BANK1: variants seen among roughly 807,000 people sequenced by gnomAD.
BANK1 encodes B-cell scaffold protein with ankyrin repeats.
BANK1 carries 95 observed loss-of-function variants against 94.5 expected under a neutral mutation model. That is an observed-to-expected ratio of 1.00 (90% CI 0.85 to 1.19). The LOEUF is 1.19. Ranked by LOEUF, BANK1 falls within the 50% of genes most tolerant of loss-of-function variation. The pLI is 0.00. For missense variants in BANK1, 987 were observed against 932.2 expected (o/e 1.06, Z -0.77); for synonymous variants, 334 against 308.4 (o/e 1.08, Z -0.87).
intron 7 of BANK1, among the ~76,000 whole-genome samples, chr4:101,940,343 G>A (rs1723701635): frequency 6.6e-6 from 1 of 151,352 alleles, no homozygotes; most frequent in African/African-American, 2.4e-5. Flanking sequence ...TGTAAACATA[G>A]AACAGAGTTT....
rs115093723 is a variant in BANK1 at position 101,887,412 on chromosome 4, C to A, written c.904-7893C>A. ...AGGGTCACATCTCCTTATTGCTAGA[C>A]TTACATGCTCTTCTTATATCATGAT... On this transcript the variant is annotated intron_variant, in intron 5 of 16. Coordinates refer to ENST00000322953, the MANE Select transcript of BANK1 (RefSeq NM_017935.5). Among the ~76,000 whole-genome samples, 1,255 of 152,320 alleles carry A rather than the reference C, an allele frequency of 8.2e-3. 16 individuals carry two copies. Among genetic ancestry groups the A allele is most frequent in the African/African-American group, 0.029 (1,192 of 41,576 alleles).
intron 1 of BANK1, among the ~76,000 whole-genome samples, chr4:101,817,459 A>T (rs555763154): frequency 3.3e-5 from 5 of 152,290 alleles, no homozygotes; most frequent in African/African-American, 1.2e-4. Flanking sequence ...GTTCTTACTT[A>T]TAAGTGGGAG....
At chr4:101,887,033 T>C (rs1208483574) in intron 5 of BANK1, among the ~76,000 whole-genome samples, 1 of 152,194 alleles carries the variant, frequency 6.6e-6, no homozygotes, top group South Asian at 2.1e-4. Flanking sequence ...TGGCATGGCA[T>C]GGCAGTGGAA....
chr4:101,914,176 C>T (rs1309074220), intron 6 of BANK1, among the ~76,000 whole-genome samples: 2 of 152,152 alleles, frequency 1.3e-5, no homozygotes, highest in African/African-American at 4.8e-5. Flanking sequence ...TTTCTTTCTA[C>T]TTGCAAGATG....
chr4:101,986,761 A>G (rs531181707), intron 7 of BANK1, among the ~76,000 whole-genome samples: 85 of 148,322 alleles, frequency 5.7e-4, no homozygotes, highest in African/African-American at 2.1e-3. Context: ...CCTCTGCTAC[A>G]TAGGAAGGTT....
intron 5 of BANK1, among the ~76,000 whole-genome samples, chr4:101,889,502 G>A (rs147903480): frequency 1.6e-4 from 23 of 144,726 alleles, no homozygotes; most frequent in Non-Finnish European, 3.1e-4. Context: ...GGAGGCTGAG[G>A]CAGGAGAATG....
intron 7 of BANK1, among the ~76,000 whole-genome samples, chr4:101,936,496 A>G (rs1215278130): frequency 6.6e-6 from 1 of 150,490 alleles, no homozygotes; most frequent in African/African-American, 2.4e-5. Context: ...GTATACATAT[A>G]TGTATAAGAT....
intron 7 of BANK1, among the ~76,000 whole-genome samples, chr4:101,928,682 T>C (rs1459322540): frequency 6.6e-6 from 1 of 151,698 alleles, no homozygotes; most frequent in African/African-American, 2.4e-5. Flanking sequence ...TAGACTTATA[T>C]TGAACCTATC....
chr4:102,048,102 T>C (rs749994194), intron 11 of BANK1, among the ~76,000 whole-genome samples: 6 of 152,346 alleles, frequency 3.9e-5, no homozygotes, highest in Middle Eastern at 6.8e-3. Flanking sequence ...TAATATTTTT[T>C]CTGTGTACAT....
chr4:102,019,080 G>T (rs1360394346), intron 7 of BANK1, among the ~76,000 whole-genome samples: 2 of 151,896 alleles, frequency 1.3e-5, no homozygotes, highest in Non-Finnish European at 2.9e-5. Flanking sequence ...GGCCTGCTCT[G>T]ATCATCTGTT....
chr4:101,886,545 T>C (rs935273066), intron 5 of BANK1, among the ~76,000 whole-genome samples: 1 of 152,238 alleles, frequency 6.6e-6, no homozygotes, highest in Admixed American at 6.5e-5. Context: ...TTAAAACTTC[T>C]TATATTTAAC....
intron 5 of BANK1, among the ~76,000 whole-genome samples, chr4:101,891,561 T>G (rs958706124): frequency 6.6e-6 from 1 of 152,076 alleles, no homozygotes; most frequent in African/African-American, 2.4e-5. Flanking sequence ...AATTATTTCC[T>G]TGTGTGCTTT....
At chr4:102,040,640 C>T (rs1727671860) in intron 10 of BANK1, among the ~76,000 whole-genome samples, 1 of 151,948 alleles carries the variant, frequency 6.6e-6, no homozygotes, top group Non-Finnish European at 1.5e-5. Flanking sequence ...AAAAAATTAC[C>T]ACTGGCCTAT....
intron 1 of BANK1, among the ~76,000 whole-genome samples, chr4:101,814,907 T>C (rs1339344965): frequency 6.6e-6 from 1 of 152,192 alleles, no homozygotes; most frequent in Admixed American, 6.6e-5. Context: ...GGCACATTTA[T>C]TATATAATAG....
At chr4:102,072,506 A>G (rs756006036) in intron 15 of BANK1, 106 bp downstream of exon 15, 16 of 809,146 alleles carry the variant, frequency 2.0e-5, no homozygotes, top group Non-Finnish European at 3.0e-5. Flanking sequence ...ATTCTAACAG[A>G]TATGAACAAA....
intron 6 of BANK1, among the ~76,000 whole-genome samples, chr4:101,906,856 G>A (rs978811176): frequency 1.3e-5 from 2 of 152,106 alleles, no homozygotes; most frequent in Non-Finnish European, 2.9e-5. Context: ...GACGCCACTT[G>A]CCAAGACCAC....
At chr4:101,803,886 T>C (rs1725446246) in intron 1 of BANK1, among the ~76,000 whole-genome samples, 1 of 145,848 alleles carries the variant, frequency 6.9e-6, no homozygotes, top group Admixed American at 6.8e-5. Context: ...TAGTCCCAGC[T>C]ACTTGGGAGG....
At chr4:101,872,596 C>T (rs369805332) in intron 5 of BANK1, among the ~76,000 whole-genome samples, 11 of 152,120 alleles carry the variant, frequency 7.2e-5, no homozygotes, top group African/African-American at 2.7e-4. Context: ...TGTTTGACCT[C>T]GAGGGAGTTG....
intron 11 of BANK1, among the ~76,000 whole-genome samples, chr4:102,049,503 T>C (rs1727980092): frequency 1.3e-5 from 2 of 152,120 alleles, no homozygotes; most frequent in Admixed American, 6.5e-5. Flanking sequence ...AATCATAGAT[T>C]ACATCCACAG....
Sources: gnomAD v4.1 joint callset for allele counts (sites outside exome capture counted in the v4.1 genomes callset) on GRCh38, gnomAD v4.1.1 for gene constraint, MANE v1.5 for transcripts, NCBI Gene and HGNC (gene_info 2026-07-23, HGNC 2026-07-21) for gene names.